UBAP2: variants seen among roughly 807,000 people sequenced by gnomAD.
UBAP2 encodes ubiquitin-associated protein 2.
UBAP2 carries 75 observed loss-of-function variants against 139.6 expected under a neutral mutation model. The observed-to-expected ratio is 0.54, with a 90% confidence interval of 0.45 to 0.65. The LOEUF is 0.65. Among genes scored for constraint, UBAP2 ranks in the 30% least tolerant of loss-of-function variants. The pLI is 0.00. For missense variants in UBAP2, 1,368 were observed against 1,369.6 expected (o/e 1.00, Z 0.02); for synonymous variants, 526 against 526.2 (o/e 1.00, Z 0.01).
intron 1 of UBAP2, among the ~76,000 whole-genome samples, chr9:34,044,882 T>C (rs1163521760): frequency 6.6e-6 from 1 of 151,800 alleles, no homozygotes; most frequent in African/African-American, 2.4e-5. Flanking sequence ...AATAAATAAA[T>C]AAATGAAGAG....
rs1823133652 is a variant in UBAP2 at position 33,923,584 on chromosome 9, AG to A, written c.2797-107del. ...CAGCAGGTGACATACCCACAACCAC[AG>A]GGGACCTGTGTTTTCATTAGTGCAA... On this transcript the variant is annotated intron_variant, in intron 24 of 28. Transcript: ENST00000379238. 10 of 1,198,672 alleles carry A rather than the reference AG, an allele frequency of 8.3e-6. No homozygotes were observed. In the Admixed American group the frequency reaches 1.5e-4, roughly 18 times the overall value. 74.3% of individuals were successfully genotyped at this position (1,198,672 alleles called of 1,614,324 possible). A position where few individuals can be genotyped will look rare whatever the true frequency, so the allele number is the denominator to read the frequency against.
chr9:34,048,587 G>T (rs1484185269), intron 1 of UBAP2, among the ~76,000 whole-genome samples: 1 of 152,152 alleles, frequency 6.6e-6, no homozygotes, highest in Non-Finnish European at 1.5e-5. Context: ...GACCTGGACG[G>T]GGGAAAGTAG....
At chr9:33,999,773 G>A (rs922806359) in intron 2 of UBAP2, among the ~76,000 whole-genome samples, 3 of 145,212 alleles carry the variant, frequency 2.1e-5, no homozygotes, top group African/African-American at 7.3e-5. Context: ...GTGCAGTGCC[G>A]TGATCTTGAC....
chr9:33,932,057 A>T (rs1824029350), intron 19 of UBAP2, among the ~76,000 whole-genome samples: 1 of 151,976 alleles, frequency 6.6e-6, no homozygotes, highest in South Asian at 2.1e-4. Context: ...CGGCTCCACG[A>T]CCCACTGAGC....
chr9:34,040,431 A>G (rs1265018581), intron 1 of UBAP2, among the ~76,000 whole-genome samples: 2 of 152,108 alleles, frequency 1.3e-5, no homozygotes, highest in African/African-American at 4.8e-5. Flanking sequence ...TGTAATTACA[A>G]CAGATATGAA....
intron 10 of UBAP2, among the ~76,000 whole-genome samples, chr9:33,956,388 G>A (rs1470037260): frequency 2.0e-5 from 3 of 150,812 alleles, no homozygotes; most frequent in Non-Finnish European, 4.4e-5. Context: ...ACGTGATCTC[G>A]GCTCACTGCA....
chr9:34,046,410 G>A (rs1326517986), intron 1 of UBAP2, among the ~76,000 whole-genome samples: 2 of 152,064 alleles, frequency 1.3e-5, no homozygotes, highest in African/African-American at 4.8e-5. Context: ...AGCACTTTGG[G>A]AGGCAGGCGG....
intron 13 of UBAP2, among the ~76,000 whole-genome samples, chr9:33,946,954 G>C (rs1825697551): frequency 6.6e-6 from 1 of 152,156 alleles, no homozygotes; most frequent in Non-Finnish European, 1.5e-5. Flanking sequence ...TGGACTGCTG[G>C]TATGTACTTG....
intron 6 of UBAP2, 151 bp downstream of exon 6, chr9:33,986,609 A>C: frequency 2.7e-6 from 2 of 732,310 alleles, no homozygotes; most frequent in South Asian, 1.6e-5. Context: ...AAAATAGTTC[A>C]TTTACAGGCA....
At chr9:33,958,968 G>T (rs1826798774) in intron 10 of UBAP2, among the ~76,000 whole-genome samples, 2 of 151,652 alleles carry the variant, frequency 1.3e-5, no homozygotes, top group Non-Finnish European at 2.9e-5. Flanking sequence ...GGCCAACATG[G>T]TGAAACCCCG....
chr9:34,001,445 G>A (rs1046622776), intron 2 of UBAP2, among the ~76,000 whole-genome samples: 4 of 152,168 alleles, frequency 2.6e-5, no homozygotes, highest in African/African-American at 4.8e-5. Context: ...GAGTGAACAC[G>A]GTTGGTAAAA....
Position 33,923,956 on chromosome 9 carries a change from G to A in UBAP2, c.2635C>T (p.Pro879Ser), listed in dbSNP as rs1317771143. Residue 879 changes from proline (P) to serine (S), a missense_variant, in exon 24 of 29, where the codon CCC becomes TCC. Coordinates refer to ENST00000379238, the MANE Select transcript of UBAP2 (RefSeq NM_001370062.2). ...TGTGGCTGAGCTGGTGTGGTAGCGG[G>A]TGCAGGGGATGCAGAGTCCCCACGG... ...FGRGDSASPA[P>S]ATTPAQPQQS... 4 of 1,614,122 alleles carry A rather than the reference G, an allele frequency of 2.5e-6. No individual in the cohort carries two copies. Among genetic ancestry groups the A allele is most frequent in the Admixed American group, 1.7e-5 (1 of 60,028 alleles).
At chr9:34,034,484 A>G (rs1283051703) in intron 1 of UBAP2, among the ~76,000 whole-genome samples, 2 of 152,244 alleles carry the variant, frequency 1.3e-5, no homozygotes, top group Admixed American at 6.5e-5. Context: ...CACCTGCCAC[A>G]TAAGTATCTG....
At chr9:33,937,562 G>A (rs1302540479) in intron 16 of UBAP2, among the ~76,000 whole-genome samples, 15 of 137,222 alleles carry the variant, frequency 1.1e-4, no homozygotes, top group East Asian at 4.2e-4. Context: ...AGCCAAGATC[G>A]CACCACTGCA....
At chr9:34,003,918 T>C (rs1340726270) in intron 2 of UBAP2, among the ~76,000 whole-genome samples, 1 of 149,932 alleles carries the variant, frequency 6.7e-6, no homozygotes, top group Non-Finnish European at 1.5e-5. Context: ...CAGGGTTTCA[T>C]CATGTTGATC....
chr9:34,025,085 A>G (rs1473438909), intron 1 of UBAP2, among the ~76,000 whole-genome samples: 1 of 152,202 alleles, frequency 6.6e-6, no homozygotes, highest in East Asian at 1.9e-4. Context: ...TGTTACCACC[A>G]CTGAACTGTA....
chr9:33,962,745 G>A (rs1240906624), intron 9 of UBAP2, among the ~76,000 whole-genome samples: 1 of 151,814 alleles, frequency 6.6e-6, no homozygotes, highest in African/African-American at 2.4e-5. Flanking sequence ...GGGAGGCAGA[G>A]ATGAGTGGAT....
chr9:34,001,667 C>T (rs1822713178), intron 2 of UBAP2, among the ~76,000 whole-genome samples: 1 of 152,150 alleles, frequency 6.6e-6, no homozygotes, highest in African/African-American at 2.4e-5. Context: ...TCAATTTTCA[C>T]AAAATGAAAG....
chr9:33,955,102 G>A (rs1367119928), intron 11 of UBAP2, among the ~76,000 whole-genome samples: 1 of 149,976 alleles, frequency 6.7e-6, no homozygotes, highest in Non-Finnish European at 1.5e-5. Flanking sequence ...TAAAATAAGA[G>A]ATCTGTATTA....
Sources: allele counts gnomAD v4.1 joint callset (sites outside exome capture counted in the v4.1 genomes callset), GRCh38; gene constraint gnomAD v4.1.1; transcripts MANE v1.5; gene names NCBI Gene and HGNC (gene_info 2026-07-23, HGNC 2026-07-21).